KAT6B: variants seen among roughly 807,000 people sequenced by gnomAD.
KAT6B encodes the protein lysine acetyltransferase 6B.
KAT6B carries 10 observed loss-of-function variants against 187.5 expected under a neutral mutation model. The observed-to-expected ratio is 0.05, with a 90% confidence interval of 0.03 to 0.09. KAT6B has a LOEUF of 0.09. KAT6B is among the 10% of genes least tolerant of loss of function. The probability of loss-of-function intolerance (pLI) is 1.00; values close to 1 mark genes in which losing one functional copy is unlikely to be tolerated. For missense variants in KAT6B, 1,952 were observed against 2,558.9 expected (o/e 0.76, Z 5.12); for synonymous variants, 861 against 926.8 (o/e 0.93, Z 1.29).
intron 3 of KAT6B, among the ~76,000 whole-genome samples, chr10:74,956,522 C>T (rs1228700665): frequency 6.6e-6 from 1 of 152,036 alleles, no homozygotes; most frequent in Non-Finnish European, 1.5e-5. Context: ...AGAGTTATTG[C>T]CACTGATGGA....
At position 75,030,368 on chromosome 10, in the gene KAT6B, TTTGTCCACACCA is replaced by T; in HGVS notation, c.5547_5558del (p.Thr1851_Ser1854del). 2 of 1,614,240 alleles carry T rather than the reference TTTGTCCACACCA, an allele frequency of 1.2e-6. No homozygotes were observed. The highest frequency in any genetic ancestry group is 1.7e-6 in the Non-Finnish European group (2 of 1,180,044). On this transcript the variant is annotated inframe_deletion, in exon 18 of 18. Coordinates refer to ENST00000287239, the MANE Select transcript of KAT6B (RefSeq NM_012330.4). The surrounding 1 kb of genome is among the most constrained non-coding windows in gnomAD (Gnocchi z 4.8). Reference sequence around the variant, plus strand: ...TGACTTCCTATGCAAACAGTGCCTCTTTGTCCACACCATTAAGTAACACAGGGCTTGTTCAAC... The same window carrying T: ...TGACTTCCTATGCAAACAGTGCCTCTTTAAGTAACACAGGGCTTGTTCAAC...
rs748797068 is a variant in KAT6B, at chr10:74,975,452, C to G, written c.1115C>G (p.Pro372Arg). 4 of 1,614,008 alleles carry G rather than the reference C, an allele frequency of 2.5e-6. No homozygotes were observed. Among genetic ancestry groups the G allele is most frequent in the Non-Finnish European group, 3.4e-6 (4 of 1,180,026 alleles). The change falls in exon 8 of 18, where the codon CCT becomes CGT. Residue 372 changes from proline (P) to arginine (R), a missense_variant. Physicochemically the swap from Pro to Arg is moderately radical, Grantham distance 103 (BLOSUM62 -2). This residue lies in a region of KAT6B where 417 missense variants were observed against 508.9 expected (regional missense o/e 0.82). Coordinates refer to ENST00000287239, the MANE Select transcript of KAT6B (RefSeq NM_012330.4). ...AATGCATTCACAGGAAGGGGGTCAC[C>G]TGGTAGGGGTCAAAAGACTAAAGTC... The part of the protein sequence containing the change: ...SMNAFTGRGS[P>R]GRGQKTKVCT...
chr10:74,869,071 C>G (rs1442643889), intron 3 of KAT6B, among the ~76,000 whole-genome samples: 2 of 152,114 alleles, frequency 1.3e-5, no homozygotes, highest in Non-Finnish European at 2.9e-5. Flanking sequence ...CTATACTTGT[C>G]TTATTAATGG....
intron 3 of KAT6B, among the ~76,000 whole-genome samples, chr10:74,914,162 G>GCGA (rs1847468356): frequency 6.6e-6 from 1 of 151,520 alleles, no homozygotes; most frequent in African/African-American, 2.4e-5. Context: ...CTCCAGCCTG[G>GCGA]GTGACAGAGC....
At chr10:74,828,540 A>ATTT (rs1840454658) in intron 1 of KAT6B, among the ~76,000 whole-genome samples, 1 of 106,278 alleles carries the variant, frequency 9.4e-6, no homozygotes, top group Non-Finnish European at 2.0e-5. Context: ...AAAACACTCC[A>ATTT]TTTTTTTCTT....
chr10:74,869,249 T>G (rs560820626), intron 3 of KAT6B, among the ~76,000 whole-genome samples: 2 of 151,536 alleles, frequency 1.3e-5, no homozygotes, highest in East Asian at 3.9e-4. Flanking sequence ...GCTATGCAGT[T>G]TTTTTTTTAA....
At chr10:74,977,285 G>T (rs1169722905) in intron 8 of KAT6B, 31 bp from the exon 9 acceptor site, 1 of 1,609,308 alleles carries the variant, frequency 6.2e-7, no homozygotes, top group South Asian at 1.1e-5. Flanking sequence ...TCAAGTCAGT[G>T]AATACACTTT....
intron 13 of KAT6B, among the ~76,000 whole-genome samples, chr10:75,003,693 G>T (rs772409363): frequency 3.9e-5 from 6 of 151,970 alleles, no homozygotes; most frequent in Non-Finnish European, 5.9e-5. Flanking sequence ...AAAAGCTTCT[G>T]CCATTACTGT....
chr10:74,940,027 G>A (rs1849549985), intron 3 of KAT6B, among the ~76,000 whole-genome samples: 2 of 152,100 alleles, frequency 1.3e-5, no homozygotes, highest in Admixed American at 1.3e-4. Context: ...TGTTATTTGT[G>A]TGTGTGTGTC....
intron 3 of KAT6B, among the ~76,000 whole-genome samples, chr10:74,955,499 C>G (rs1840624389): frequency 6.7e-6 from 1 of 149,822 alleles, no homozygotes; most frequent in South Asian, 2.1e-4. Flanking sequence ...ATGCCTTTTA[C>G]ATAGACTCCC....
intron 3 of KAT6B, among the ~76,000 whole-genome samples, chr10:74,868,958 GT>G (rs1420316343): frequency 2.0e-5 from 3 of 152,180 alleles, no homozygotes; most frequent in Non-Finnish European, 2.9e-5. Flanking sequence ...CCCTGCTGCT[GT>G]TTTAATGAAA....
At chr10:75,011,514 C>T (rs897320485) in intron 13 of KAT6B, among the ~76,000 whole-genome samples, 1 of 152,204 alleles carries the variant, frequency 6.6e-6, no homozygotes, top group African/African-American at 2.4e-5. Context: ...AATTTGGTTA[C>T]TTCAACAATT....
rs552925079 is a variant in KAT6B at position 74,838,994 on chromosome 10, A to C, written c.-259+242A>C. On this transcript the variant is annotated intron_variant, in intron 2 of 17. Coordinates refer to ENST00000287239, the MANE Select transcript of KAT6B (RefSeq NM_012330.4). Reference sequence around the variant, plus strand: ...ATGGCAAAACCCTGTCTCTACTAAAAATTCAAAAATTAGCTGGGCGTGGTG... The same window carrying C: ...ATGGCAAAACCCTGTCTCTACTAAACATTCAAAAATTAGCTGGGCGTGGTG... Among the ~76,000 whole-genome samples the C allele has an allele frequency of 3.0e-4, 46 of 152,058 alleles. 2 individuals are homozygous for C. Among genetic ancestry groups the C allele is most frequent in the African/African-American group, 1.0e-3 (43 of 41,520 alleles).
chr10:75,010,937 ATTTG>A (rs752268098), intron 13 of KAT6B, among the ~76,000 whole-genome samples: 2 of 152,212 alleles, frequency 1.3e-5, no homozygotes, highest in Non-Finnish European at 2.9e-5. Flanking sequence ...GCATGCAGTC[ATTTG>A]TTTGGCGCAG....
intron 3 of KAT6B, among the ~76,000 whole-genome samples, chr10:74,925,395 T>TCCCCAC: frequency 6.9e-6 from 1 of 145,822 alleles, no homozygotes; most frequent in South Asian, 2.2e-4. Context: ...TCCTCTCTAG[T>TCCCCAC]CCCCACCCCC....
chr10:74,918,562 G>A lies in KAT6B; in HGVS notation c.622-41408G>A, dbSNP rs149966622. Among the ~76,000 whole-genome samples the A allele has an allele frequency of 3.7e-3, 565 of 152,102 alleles. 6 individuals carry two copies. Among genetic ancestry groups the A allele is most frequent in the African/African-American group, 0.013 (538 of 41,488 alleles). On this transcript the variant is annotated intron_variant, in intron 3 of 17. Coordinates refer to ENST00000287239, the MANE Select transcript of KAT6B (RefSeq NM_012330.4). Reference sequence around the variant, plus strand: ...TTCAGGACCAGCCTGGCCCAACATGGTGAAACCTTGTCTTTTCAAAAAATA... The same window carrying A: ...TTCAGGACCAGCCTGGCCCAACATGATGAAACCTTGTCTTTTCAAAAAATA...
In KAT6B at chr10:75,029,978, C is replaced by T. The variant is rs1184961061; in HGVS notation, c.5154C>T (p.Ser1718=). 5.0e-6 allele frequency: 8 copies of T among 1,614,224 alleles called. No homozygotes were observed. The highest frequency in any genetic ancestry group is 6.8e-6 in the Non-Finnish European group (8 of 1,180,046). ...NLTSSSLTQS[S]CAVTQQMSNI... ...CCTCCAGCAGTCTGACACAGAGCAG[C>T]TGTGCTGTCACCCAGCAGATGTCCA... Residue 1718 remains serine (S), a synonymous_variant, in exon 18 of 18, where the codon AGC becomes AGT. Coordinates refer to ENST00000287239, the MANE Select transcript of KAT6B (RefSeq NM_012330.4). This position sits in a 1 kb window ranked among gnomAD's most constrained non-coding sequence, Gnocchi z 6.2.
At chr10:74,908,534 A>T (rs554346571) in intron 3 of KAT6B, among the ~76,000 whole-genome samples, 1 of 142,510 alleles carries the variant, frequency 7.0e-6, no homozygotes, top group Non-Finnish European at 1.5e-5. Context: ...TGGGCAACAG[A>T]GCCAGACCCC....
rs1846286461 is a variant in KAT6B at position 75,031,018 on chromosome 10, C to G, written c.6194C>G (p.Ser2065Cys). ...ATGAACACAGGCATGTCCAAACAGT[C>G]TCTCAATGGCTCCTACATGAGAAGG... ...GYMNTGMSKQ[S>C]LNGSYMRR Residue 2065 changes from serine (S) to cysteine (C), a missense_variant, in exon 18 of 18, where the codon TCT becomes TGT. By Grantham distance (112) the Ser-to-Cys change is moderately radical. Coordinates refer to ENST00000287239, the MANE Select transcript of KAT6B (RefSeq NM_012330.4). 6.2e-7 allele frequency: 1 copy of G among 1,614,096 alleles called. No homozygotes were observed. The highest frequency in any genetic ancestry group is 1.1e-5 in the South Asian group (1 of 91,082).
Sources: gnomAD v4.1 joint callset for allele counts (sites outside exome capture counted in the v4.1 genomes callset) on GRCh38, gnomAD v4.1.1 for gene constraint, gnomAD v4.1.1 regional missense constraint, Gnocchi (gnomAD v3.1) non-coding constraint, MANE v1.5 for transcripts, NCBI Gene and HGNC (gene_info 2026-07-23, HGNC 2026-07-21) for gene names.